The following PAQR8 variants were observed in gnomAD, a reference collection of about 807,000 sequenced individuals.
PAQR8 encodes membrane progestin receptor beta.
PAQR8 carries 17 observed loss-of-function variants against 25.2 expected under a neutral mutation model. The observed-to-expected ratio is 0.67, with a 90% CI of 0.46 to 1.01. The LOEUF (loss-of-function observed/expected upper bound fraction) is 1.01, where lower values mean the gene tolerates loss of function less well. Ranked by LOEUF, PAQR8 falls within the 50% of genes least tolerant of loss-of-function variation. The probability of loss-of-function intolerance (pLI) is 0.00; values close to 1 mark genes in which losing one functional copy is unlikely to be tolerated. For missense variants in PAQR8, 392 were observed against 448.4 expected, an observed-to-expected ratio of 0.87 and a Z score of 1.14; for synonymous variants, 204 against 190.6, an observed-to-expected ratio of 1.07 and a Z score of -0.58.
chr6:52,367,856 C>G (rs937399812), intron 1 of PAQR8, among the ~76,000 whole-genome samples: 2 of 152,196 alleles, frequency 1.3e-5, no homozygotes, highest in Non-Finnish European at 2.9e-5. Flanking sequence ...AGGCTCTTCT[C>G]AGACCCTTGT....
Position 52,370,861 on chromosome 6 carries a change from G to T in PAQR8, c.-53+8612G>T, listed in dbSNP as rs112073866. Among the ~76,000 whole-genome samples the T allele has an allele frequency of 2.3e-3, 349 of 152,276 alleles. 2 individuals carry two copies. Among genetic ancestry groups the T allele is most frequent in the African/African-American group, 8.0e-3 (332 of 41,558 alleles). ...CTATCTTCTGCATTGGATTGCAGTG[G>T]TCAGCTACATAAGGAATACATAGAG... is the stretch of plus-strand genomic sequence containing the variant. On this transcript the variant is annotated intron_variant, in intron 1 of 1. Coordinates refer to ENST00000442253, the MANE Select transcript of PAQR8 (RefSeq NM_133367.5).
At chr6:52,366,823 C>T (rs980263197) in intron 1 of PAQR8, among the ~76,000 whole-genome samples, 7 of 152,102 alleles carry the variant, frequency 4.6e-5, no homozygotes, top group African/African-American at 1.7e-4. Flanking sequence ...AATCTCGGCT[C>T]ACTGCAACCT....
At chr6:52,385,301 T>G (rs535560117) in intron 1 of PAQR8, among the ~76,000 whole-genome samples, 1 of 152,342 alleles carries the variant, frequency 6.6e-6, no homozygotes. Flanking sequence ...TTCCATCGTC[T>G]TCTGCCATGA....
At chr6:52,393,333 C>CTT (rs35079265) in intron 1 of PAQR8, among the ~76,000 whole-genome samples, 9,967 of 110,986 alleles carry the variant, frequency 0.09, 960 homozygotes, top group Admixed American at 0.22. Flanking sequence ...CTTTCTCTCT[C>CTT]TTTTTTTTTT....
intron 1 of PAQR8, among the ~76,000 whole-genome samples, chr6:52,373,157 C>T (rs1384332169): frequency 6.6e-6 from 1 of 152,178 alleles, no homozygotes; most frequent in Non-Finnish European, 1.5e-5. Context: ...CAACCATTTT[C>T]CCATTGCTGC....
chr6:52,377,564 G>GA (rs921956861), intron 1 of PAQR8, among the ~76,000 whole-genome samples: 3 of 151,942 alleles, frequency 2.0e-5, no homozygotes, highest in African/African-American at 7.3e-5. Flanking sequence ...CCACTTTAGA[G>GA]AAAAAAATAT....
chr6:52,402,272 G>A (rs1402556196), intron 1 of PAQR8, among the ~76,000 whole-genome samples: 1 of 152,130 alleles, frequency 6.6e-6, no homozygotes, highest in Non-Finnish European at 1.5e-5. Context: ...GCTGAGGCAG[G>A]AGAATTGCTT....
At position 52,381,178 on chromosome 6, in the gene PAQR8, C is replaced by A. The variant is rs138753913; in HGVS notation, c.-53+18929C>A. On this transcript the variant is annotated intron_variant, in intron 1 of 1. Transcript: ENST00000442253. ...TAGCAGCAACTCAGAACACACATGG[C>A]TGTTTGTAACTCTCTTGCCAGGCCA... 2.8e-3 allele frequency among the ~76,000 whole-genome samples: 423 copies of A among 152,324 alleles called. 5 individuals are homozygous for A. The highest frequency in any genetic ancestry group is 9.7e-3 in the African/African-American group (405 of 41,570).
chr6:52,374,272 G>A (rs1400000233), intron 1 of PAQR8, among the ~76,000 whole-genome samples: 1 of 152,156 alleles, frequency 6.6e-6, no homozygotes, highest in African/African-American at 2.4e-5. Context: ...TCAAGTTCAA[G>A]AAACTTTGGT....
chr6:52,405,455 G>C lies in PAQR8; in HGVS notation c.*1177G>C, dbSNP rs1242793723. On this transcript the variant is annotated 3_prime_UTR_variant, in exon 2 of 2. Transcript: ENST00000442253. ...GATTGGTCCCTGAAGGCTCCTTTGG[G>C]TGAGAACATGTGAACCAGGCACCCT... 6.0e-6 allele frequency: 1 copy of C among 167,156 alleles called. No individual in the cohort carries two copies. The highest frequency in any genetic ancestry group is 2.4e-5 in the African/African-American group (1 of 41,462). The allele number at this position is 167,156 out of a possible 1,614,324, so 10.4% of individuals were successfully genotyped here. A position where few individuals can be genotyped will look rare whatever the true frequency, so the allele number is the denominator to read the frequency against.
chr6:52,386,542 C>A (rs760395902), intron 1 of PAQR8, among the ~76,000 whole-genome samples: 3 of 152,150 alleles, frequency 2.0e-5, no homozygotes, highest in African/African-American at 7.2e-5. Context: ...TTTGCAGCAA[C>A]ATTATCTTAA....
intron 1 of PAQR8, among the ~76,000 whole-genome samples, chr6:52,365,348 A>G (rs73740355): frequency 0.11 from 17,445 of 152,134 alleles, 1,236 homozygotes; most frequent in East Asian, 0.25. Context: ...GTGTTGCATA[A>G]AGCTTCATAC....
chr6:52,368,447 T>G (rs1763379907), intron 1 of PAQR8, among the ~76,000 whole-genome samples: 1 of 151,862 alleles, frequency 6.6e-6, no homozygotes, highest in South Asian at 2.1e-4. Context: ...GAGTTGAGGG[T>G]CAAGGACCAC....
chr6:52,364,450 T>C (rs1763330355), intron 1 of PAQR8, among the ~76,000 whole-genome samples: 1 of 152,232 alleles, frequency 6.6e-6, no homozygotes, highest in Non-Finnish European at 1.5e-5. Flanking sequence ...CTTCCAATTC[T>C]TTATCCAAAT....
In PAQR8 at chr6:52,380,331, A is replaced by G. The variant is rs551351923; in HGVS notation, c.-53+18082A>G. ...GTCCACCCGTGGTATGGCAATGCTCAGTCAATAATCAAGCTGTGTATATCT... is the reference window on the plus strand; with the variant it reads ...GTCCACCCGTGGTATGGCAATGCTCGGTCAATAATCAAGCTGTGTATATCT... On this transcript the variant is annotated intron_variant, in intron 1 of 1. Transcript: ENST00000442253. 3.3e-5 allele frequency among the ~76,000 whole-genome samples: 5 copies of G among 152,376 alleles called. No homozygotes were observed. In the East Asian group the frequency reaches 9.6e-4, roughly 29 times the overall value.
rs764753544 is a variant in PAQR8, at chr6:52,403,258, C to T, written c.45C>T (p.Ser15=). 1.9e-5 allele frequency: 31 copies of T among 1,610,522 alleles called. No individual in the cohort carries two copies. Among genetic ancestry groups the T allele is most frequent in the Non-Finnish European group, 2.6e-5 (31 of 1,177,664 alleles). Residue 15 remains serine (S), a synonymous_variant, in exon 2 of 2, where the codon AGC becomes AGT. Transcript: ENST00000442253. ...AGCGCCTGAGCACCCTGTCGGTCAG[C>T]GGGCAGCAGCTGCGCCGCCTGCCCA... The part of the protein sequence containing the change: ...ILERLSTLSV[S]GQQLRRLPKI...
rs547242607 is a variant in PAQR8 at position 52,396,631 on chromosome 6, A to T, written c.-52-6531A>T. On this transcript the variant is annotated intron_variant, in intron 1 of 1. Coordinates refer to ENST00000442253, the MANE Select transcript of PAQR8 (RefSeq NM_133367.5). Reference sequence around the variant, plus strand: ...ATGTGAGTTAGGAGAGCCATTATTGATGATGAAAGGTCAGTTATGAGACTG... The same window carrying T: ...ATGTGAGTTAGGAGAGCCATTATTGTTGATGAAAGGTCAGTTATGAGACTG... 3.9e-5 allele frequency among the ~76,000 whole-genome samples: 6 copies of T among 152,354 alleles called. No homozygotes were observed. The South Asian group carries it at 1.2e-3, about 32-fold the overall frequency.
chr6:52,394,093 G>C (rs9474216), intron 1 of PAQR8, among the ~76,000 whole-genome samples: 6,309 of 152,232 alleles, frequency 0.041, 223 homozygotes, highest in East Asian at 0.15. Context: ...TCCTGTGAGA[G>C]ATAATAAGGA....
At chr6:52,367,118 TG>T (rs909016152) in intron 1 of PAQR8, among the ~76,000 whole-genome samples, 1 of 152,128 alleles carries the variant, frequency 6.6e-6, no homozygotes, top group African/African-American at 2.4e-5. Context: ...AATTTGGTGG[TG>T]TCTGGAGACA....
Sources: gnomAD v4.1 joint callset for allele counts (sites outside exome capture counted in the v4.1 genomes callset) on GRCh38, gnomAD v4.1.1 for gene constraint, MANE v1.5 for transcripts, NCBI Gene and HGNC (gene_info 2026-07-23, HGNC 2026-07-21) for gene names.